Variants in RPS6KC1 observed in about 807,000 individuals in gnomAD.
RPS6KC1 encodes inactive ribosomal protein S6 kinase delta-1.
In RPS6KC1, 54 loss-of-function variants were observed where a neutral mutation model predicts 103.8. The ratio of observed to expected loss-of-function variants is 0.52; its 90% CI spans 0.42 to 0.65. The LOEUF (loss-of-function observed/expected upper bound fraction) is 0.65. Ranked by LOEUF, RPS6KC1 falls within the 30% of genes least tolerant of loss-of-function variation. RPS6KC1 has a pLI of 0.00. For missense variants in RPS6KC1, 1,151 were observed against 1,253.8 expected, an observed-to-expected ratio of 0.92 and a Z score of 1.24; for synonymous variants, 439 against 438.7, an observed-to-expected ratio of 1.00 and a Z score of -0.01.
intron 14 of RPS6KC1, among the ~76,000 whole-genome samples, chr1:213,271,081 T>C (rs1453390825): frequency 6.6e-6 from 1 of 152,222 alleles, no homozygotes; most frequent in Non-Finnish European, 1.5e-5. Flanking sequence ...CTTCTAGCAA[T>C]GTAATCAAGA....
the RPS6KC1 span, among the ~76,000 whole-genome samples, chr1:213,406,177 G>C: frequency 2.0e-5 from 3 of 152,214 alleles, no homozygotes; most frequent in African/African-American, 4.8e-5. Context: ...TGTGGGGTCG[G>C]AGTGTATGTG....
intron 10 of RPS6KC1, among the ~76,000 whole-genome samples, chr1:213,236,635 G>C (rs573191960): frequency 1.3e-5 from 2 of 152,248 alleles, no homozygotes; most frequent in South Asian, 4.1e-4. Flanking sequence ...AAGTTTCTAA[G>C]ATTAGGGATT....
the RPS6KC1 span, among the ~76,000 whole-genome samples, chr1:213,287,929 G>A: frequency 6.6e-6 from 1 of 151,458 alleles, no homozygotes; most frequent in Non-Finnish European, 1.5e-5. Context: ...AGTTCAAAAG[G>A]TGTGATATAA....
At chr1:213,201,844 T>C (rs1392022652) in intron 8 of RPS6KC1, among the ~76,000 whole-genome samples, 1 of 152,240 alleles carries the variant, frequency 6.6e-6, no homozygotes, top group Admixed American at 6.5e-5. Context: ...AAAATTGTGA[T>C]ACTATAGTTG....
intron 6 of RPS6KC1, among the ~76,000 whole-genome samples, chr1:213,133,293 T>C (rs886852234): frequency 1.3e-5 from 2 of 152,182 alleles, no homozygotes; most frequent in Non-Finnish European, 2.9e-5. Context: ...GATTAATCTA[T>C]GTGTGGGCTT....
the RPS6KC1 span, among the ~76,000 whole-genome samples, chr1:213,303,778 C>T: frequency 1.3e-5 from 2 of 152,068 alleles, no homozygotes; most frequent in Non-Finnish European, 2.9e-5. Context: ...AACAACAAGG[C>T]TCTAAATAGT....
the RPS6KC1 span, among the ~76,000 whole-genome samples, chr1:213,551,585 A>G: frequency 1.1e-4 from 17 of 152,352 alleles, no homozygotes; most frequent in Admixed American, 9.8e-4. Flanking sequence ...CAGCAAAACT[A>G]AGCAGAACGT....
the RPS6KC1 span, among the ~76,000 whole-genome samples, chr1:213,701,878 T>A: frequency 1.9e-3 from 283 of 152,004 alleles, 1 homozygote; most frequent in African/African-American, 6.3e-3. Context: ...TTTGTTTCAT[T>A]GATCTTTTGC....
the RPS6KC1 span, among the ~76,000 whole-genome samples, chr1:213,512,733 G>T: frequency 6.6e-6 from 1 of 152,182 alleles, no homozygotes; most frequent in Non-Finnish European, 1.5e-5. Flanking sequence ...GCAATCATTT[G>T]AGAAGAAGTA....
the RPS6KC1 span, among the ~76,000 whole-genome samples, chr1:213,705,725 A>C: frequency 6.6e-6 from 1 of 152,332 alleles, no homozygotes; most frequent in Admixed American, 6.5e-5. Flanking sequence ...AAGGGTCAGA[A>C]TGTTATCCAA....
chr1:213,218,028 A>G (rs1371134264), intron 8 of RPS6KC1, among the ~76,000 whole-genome samples: 2 of 152,214 alleles, frequency 1.3e-5, no homozygotes, highest in African/African-American at 2.4e-5. Context: ...GGCCAAGGCA[A>G]TCAGGCAGGA....
the RPS6KC1 span, among the ~76,000 whole-genome samples, chr1:213,754,531 G>A: frequency 3.3e-5 from 5 of 152,180 alleles, no homozygotes; most frequent in Non-Finnish European, 5.9e-5. Context: ...GTTCTCAAGA[G>A]ATCTGGTTGT....
chr1:213,632,887 A>G, the RPS6KC1 span, among the ~76,000 whole-genome samples: 2 of 152,222 alleles, frequency 1.3e-5, no homozygotes, highest in African/African-American at 4.8e-5. Flanking sequence ...TGGCATGAGA[A>G]CTACGTGACG....
chr1:213,647,546 C>T, the RPS6KC1 span, among the ~76,000 whole-genome samples: 1 of 152,186 alleles, frequency 6.6e-6, no homozygotes, highest in African/African-American at 2.4e-5. Flanking sequence ...GACAAGTCCC[C>T]ATAACCTGGC....
chr1:213,504,626 C>T, the RPS6KC1 span, among the ~76,000 whole-genome samples: 2 of 152,194 alleles, frequency 1.3e-5, no homozygotes, highest in Non-Finnish European at 2.9e-5. Context: ...GAAAATGTAA[C>T]ACTTACTTAA....
the RPS6KC1 span, among the ~76,000 whole-genome samples, chr1:213,605,683 T>C: frequency 6.6e-6 from 1 of 152,280 alleles, no homozygotes; most frequent in East Asian, 1.9e-4. Flanking sequence ...TAGTAGGTGC[T>C]CAATGAATAA....
At chr1:213,421,350 T>A in the RPS6KC1 span, among the ~76,000 whole-genome samples, 2 of 152,224 alleles carry the variant, frequency 1.3e-5, no homozygotes, top group Non-Finnish European at 2.9e-5. Context: ...TGACCTCAGG[T>A]GATCCACCCA....
intron 6 of RPS6KC1, 143 bp downstream of exon 6, chr1:213,130,032 G>A (rs1346189664): frequency 1.4e-6 from 1 of 722,850 alleles, no homozygotes; most frequent in African/African-American, 1.8e-5. Context: ...ACCTATATAT[G>A]GATATATACT....
the RPS6KC1 span, among the ~76,000 whole-genome samples, chr1:213,284,254 T>TACAAAGGTTG: frequency 6.6e-6 from 1 of 152,234 alleles, no homozygotes; most frequent in Admixed American, 6.5e-5. Flanking sequence ...CACTGGCCCA[T>TACAAAGGTTG]GCCTGTAATA....
Sources: gnomAD v4.1 joint callset for allele counts (sites outside exome capture counted in the v4.1 genomes callset) on GRCh38, gnomAD v4.1.1 for gene constraint, MANE v1.5 for transcripts, NCBI Gene and HGNC (gene_info 2026-07-23, HGNC 2026-07-21) for gene names.